NCALD: variants seen among roughly 807,000 people sequenced by gnomAD.
NCALD encodes neurocalcin-delta.
Under a neutral mutation model 18.6 loss-of-function variants are expected in NCALD, and 10 were observed. That is an observed-to-expected ratio of 0.54 (90% CI 0.33 to 0.91). The LOEUF (loss-of-function observed/expected upper bound fraction) is 0.91, where lower values mean the gene tolerates loss of function less well. Among genes scored for constraint, NCALD ranks in the 40% least tolerant of loss-of-function variants. The probability of loss-of-function intolerance (pLI) is 0.03; values close to 1 mark genes in which losing one functional copy is unlikely to be tolerated. For missense variants in NCALD, 184 were observed against 247.6 expected (o/e 0.74, Z 1.72); for synonymous variants, 88 against 87.4 (o/e 1.01, Z -0.04).
chr8:102,043,693 A>G (rs559244412), intron 1 of NCALD, among the ~76,000 whole-genome samples: 4 of 126,554 alleles, frequency 3.2e-5, no homozygotes, highest in Admixed American at 2.8e-4. Flanking sequence ...GACGAGGAGG[A>G]GGAGGAAGAG....
At chr8:101,699,095 A>C (rs1815138208) in intron 2 of NCALD, among the ~76,000 whole-genome samples, 1 of 151,056 alleles carries the variant, frequency 6.6e-6, no homozygotes, top group South Asian at 2.1e-4. Flanking sequence ...AAAAACCATC[A>C]AAAAGTGGGC....
intron 1 of NCALD, among the ~76,000 whole-genome samples, chr8:102,079,958 G>A (rs1587036943): frequency 3.3e-5 from 5 of 152,140 alleles, no homozygotes; most frequent in South Asian, 4.1e-4. Flanking sequence ...CCACAGCAAC[G>A]AGGCAGAACT....
Position 101,719,233 on chromosome 8 carries a change from A to G in NCALD, c.378+19T>C, listed in dbSNP as rs759844424. ...TGAGATACATGCCCTTCTTTTTTTA[A>G]AGGGCTCAGTCTACGTACCTGCACG... On this transcript the variant is annotated intron_variant, in intron 2 of 3. Coordinates refer to ENST00000220931, the MANE Select transcript of NCALD (RefSeq NM_032041.3). The G allele has an allele frequency of 1.9e-6, 3 of 1,600,836 alleles. No homozygotes were observed. The East Asian group carries it at 6.7e-5, about 36-fold the overall frequency.
intron 4 of NCALD, among the ~76,000 whole-genome samples, chr8:101,886,359 T>C (rs1292183899): frequency 6.6e-6 from 1 of 152,172 alleles, no homozygotes; most frequent in Non-Finnish European, 1.5e-5. Flanking sequence ...CTCCATTTGT[T>C]CCTCATACAC....
intron 4 of NCALD, among the ~76,000 whole-genome samples, chr8:101,821,804 T>C (rs80126943): frequency 6.7e-6 from 1 of 148,990 alleles, no homozygotes; most frequent in Non-Finnish European, 1.5e-5. Flanking sequence ...GCACTACAAA[T>C]TGGGGAAAAA....
intron 2 of NCALD, among the ~76,000 whole-genome samples, chr8:102,004,368 G>T (rs1289953023): frequency 9.9e-5 from 15 of 151,882 alleles, no homozygotes; most frequent in Non-Finnish European, 1.9e-4. Context: ...CACTGCTCAA[G>T]GAAATAAAAG....
intron 1 of NCALD, among the ~76,000 whole-genome samples, chr8:102,032,639 A>AAAAG (rs1390313872): frequency 6.6e-6 from 1 of 151,794 alleles, no homozygotes; most frequent in Non-Finnish European, 1.5e-5. Context: ...AAAAAAAAAA[A>AAAAG]AAAGAGGACT....
At chr8:102,028,736 A>T (rs1280150561) in intron 1 of NCALD, among the ~76,000 whole-genome samples, 4 of 152,244 alleles carry the variant, frequency 2.6e-5, no homozygotes, top group Non-Finnish European at 5.9e-5. Flanking sequence ...CTAAGTGACC[A>T]GAAAGTAAAA....
chr8:101,934,244 A>C (rs1403395217), intron 2 of NCALD, among the ~76,000 whole-genome samples: 9 of 152,174 alleles, frequency 5.9e-5, no homozygotes, highest in Non-Finnish European at 4.4e-5. Flanking sequence ...AGTGTACTCA[A>C]GGGGCAAACA....
Position 101,771,526 on chromosome 8 carries a change from G to A in NCALD, c.-20+19336C>T, listed in dbSNP as rs534315593. On this transcript the variant is annotated intron_variant, in intron 1 of 3. Transcript: ENST00000220931. ...GGCAGGCTTTACTGCCATATGCTTA[G>A]ATATTCACAAAGGTTCAGACCAGGT... 3.9e-5 allele frequency among the ~76,000 whole-genome samples: 6 copies of A among 152,336 alleles called. No homozygotes were observed. In the South Asian group the frequency reaches 6.2e-4, roughly 16 times the overall value.
chr8:101,925,427 A>G (rs1400112423), intron 2 of NCALD, among the ~76,000 whole-genome samples: 1 of 152,110 alleles, frequency 6.6e-6, no homozygotes, highest in Non-Finnish European at 1.5e-5. Flanking sequence ...ATAGTAATAA[A>G]ACGGGATCAG....
At chr8:102,098,841 T>C (rs72681121) in intron 1 of NCALD, among the ~76,000 whole-genome samples, 3,923 of 152,312 alleles carry the variant, frequency 0.026, 88 homozygotes, top group Admixed American at 0.077. Flanking sequence ...CCACTTATGA[T>C]ACTCATCCCC....
chr8:101,701,610 G>A (rs1815271313), intron 2 of NCALD, among the ~76,000 whole-genome samples: 1 of 152,174 alleles, frequency 6.6e-6, no homozygotes, highest in African/African-American at 2.4e-5. Context: ...GAGGACTCAG[G>A]TCTGGGAAGG....
intron 3 of NCALD, among the ~76,000 whole-genome samples, chr8:101,912,427 G>A (rs1817835079): frequency 6.6e-6 from 1 of 152,202 alleles, no homozygotes; most frequent in Non-Finnish European, 1.5e-5. Flanking sequence ...GAAAGTATTA[G>A]TCAGGGAAAT....
chr8:102,090,492 A>G (rs998984757), intron 1 of NCALD, among the ~76,000 whole-genome samples: 2 of 152,308 alleles, frequency 1.3e-5, no homozygotes, highest in African/African-American at 4.8e-5. Flanking sequence ...ACTCTCATGG[A>G]GAGCTCAAAC....
chr8:102,049,888 C>T (rs1329423855), intron 1 of NCALD, among the ~76,000 whole-genome samples: 3 of 151,904 alleles, frequency 2.0e-5, no homozygotes, highest in South Asian at 2.1e-4. Flanking sequence ...TTCGGCCGGG[C>T]GCGGTGGCTC....
At chr8:102,006,065 A>C (rs1821699991) in intron 2 of NCALD, among the ~76,000 whole-genome samples, 1 of 151,858 alleles carries the variant, frequency 6.6e-6, no homozygotes, top group Admixed American at 6.6e-5. Flanking sequence ...AACAAAATGG[A>C]AAAAAAAGCA....
At chr8:101,990,226 G>T (rs1820988044) in intron 2 of NCALD, among the ~76,000 whole-genome samples, 1 of 152,172 alleles carries the variant, frequency 6.6e-6, no homozygotes, top group South Asian at 2.1e-4. Context: ...AAAGTGCACA[G>T]AACAGGTAAT....
At chr8:101,964,225 C>T (rs1356919183) in intron 2 of NCALD, among the ~76,000 whole-genome samples, 1 of 152,134 alleles carries the variant, frequency 6.6e-6, no homozygotes, top group African/African-American at 2.4e-5. Flanking sequence ...AGACACACCC[C>T]CCGACTTTGA....
Sources: gnomAD v4.1 joint callset for allele counts (sites outside exome capture counted in the v4.1 genomes callset) on GRCh38, gnomAD v4.1.1 for gene constraint, MANE v1.5 for transcripts, NCBI Gene and HGNC (gene_info 2026-07-23, HGNC 2026-07-21) for gene names.